The following SIRPD variants were observed in gnomAD, a reference collection of about 807,000 sequenced individuals.
SIRPD encodes the protein signal-regulatory protein delta.
A neutral mutation model predicts 18.0 loss-of-function variants in SIRPD; 21 were observed. That is an observed-to-expected ratio of 1.17 (90% CI 0.83 to 1.68). The LOEUF (loss-of-function observed/expected upper bound fraction) is 1.68, where lower values mean the gene tolerates loss of function less well. Among genes scored for constraint, SIRPD ranks in the 40% most tolerant of loss-of-function variants. SIRPD has a pLI of 0.00. For synonymous variants in SIRPD, 106 were observed against 92.9 expected (o/e 1.14, Z -0.81); for missense variants, 295 against 238.4 (o/e 1.24, Z -1.56).
chr20:1,539,916 G>T (rs1309079757), intron 2 of SIRPD, among the ~76,000 whole-genome samples: 1 of 152,070 alleles, frequency 6.6e-6, no homozygotes, highest in East Asian at 1.9e-4. Context: ...TTGCATTATT[G>T]GCAGACACCT....
At chr20:1,556,944 A>C (rs1393097504) in intron 1 of SIRPD, among the ~76,000 whole-genome samples, 3 of 152,244 alleles carry the variant, frequency 2.0e-5, no homozygotes, top group African/African-American at 7.2e-5. Context: ...ACTGAATTTC[A>C]CAGAAAGAAG....
chr20:1,551,651 T>C (rs755171512), intron 2 of SIRPD, 40 bp downstream of exon 2: 18 of 1,461,824 alleles, frequency 1.2e-5, no homozygotes, highest in Non-Finnish European at 1.6e-5. Flanking sequence ...TGAGATGATA[T>C]TATACACCAG....
chr20:1,551,206 C>T (rs955021214), intron 2 of SIRPD, among the ~76,000 whole-genome samples: 4 of 152,202 alleles, frequency 2.6e-5, no homozygotes, highest in Non-Finnish European at 4.4e-5. Context: ...TATCTGCATT[C>T]ATCTAGACTT....
At chr20:1,535,244 T>C (rs1254032262) in intron 3 of SIRPD, among the ~76,000 whole-genome samples, 2 of 152,224 alleles carry the variant, frequency 1.3e-5, no homozygotes, top group African/African-American at 2.4e-5. Context: ...AAAAGTTCGA[T>C]GTATCTAGAA....
chr20:1,544,611 A>G (rs540888719), intron 2 of SIRPD, among the ~76,000 whole-genome samples: 4 of 152,198 alleles, frequency 2.6e-5, no homozygotes, highest in Non-Finnish European at 5.9e-5. Flanking sequence ...CATTTAGCCC[A>G]TTTACATTTA....
intron 1 of SIRPD, among the ~76,000 whole-genome samples, chr20:1,554,856 G>A (rs1468772912): frequency 6.6e-6 from 1 of 152,056 alleles, no homozygotes; most frequent in African/African-American, 2.4e-5. Flanking sequence ...TGGAGTGTAG[G>A]ATTATCTTAG....
At position 1,538,476 on chromosome 20, in the gene SIRPD, C is replaced by T. The variant is rs76612968; in HGVS notation, c.422-1166G>A. ...CTGACTGCAACAAGGTCCCTCTTCA[C>T]TCATGCTCTTCGACACTCTTCCCAT... On this transcript the variant is annotated intron_variant, in intron 2 of 3. Coordinates refer to ENST00000381623, the MANE Select transcript of SIRPD (RefSeq NM_178460.3). 5.9e-5 allele frequency among the ~76,000 whole-genome samples: 9 copies of T among 152,282 alleles called. No homozygotes were observed. In the East Asian group the frequency reaches 1.7e-3, roughly 29 times the overall value.
intron 2 of SIRPD, among the ~76,000 whole-genome samples, chr20:1,543,168 C>T (rs1234111976): frequency 6.6e-6 from 1 of 152,014 alleles, no homozygotes; most frequent in African/African-American, 2.4e-5. Context: ...GGGAGGAGTC[C>T]CTCTTTTTCT....
At chr20:1,544,264 T>TAAGA (rs1473570849) in intron 2 of SIRPD, among the ~76,000 whole-genome samples, 1 of 152,206 alleles carries the variant, frequency 6.6e-6, no homozygotes. Flanking sequence ...TGTAGGTCTC[T>TAAGA]AAGAACTTGC....
intron 2 of SIRPD, among the ~76,000 whole-genome samples, chr20:1,543,005 T>A (rs2090978972): frequency 6.6e-6 from 1 of 152,244 alleles, no homozygotes; most frequent in Admixed American, 6.5e-5. Flanking sequence ...GGATAAGATT[T>A]TTAATGTGCT....
chr20:1,539,408 T>C (rs1013787168), intron 2 of SIRPD, among the ~76,000 whole-genome samples: 2 of 152,244 alleles, frequency 1.3e-5, no homozygotes, highest in African/African-American at 4.8e-5. Flanking sequence ...ATGATTAATT[T>C]TAGTTAATAT....
At position 1,542,524 on chromosome 20, in the gene SIRPD, T is replaced by A. The variant is rs781213774; in HGVS notation, c.422-5214A>T. On this transcript the variant is annotated intron_variant, in intron 2 of 3. Transcript: ENST00000381623. ...ACTTTGTCGAATTTGCTTATTAGCT[T>A]AAGGAGTTTTGGGGCTGAGATGATG... 2.6e-5 allele frequency among the ~76,000 whole-genome samples: 4 copies of A among 152,228 alleles called. 1 individual carries two copies. The highest frequency in any genetic ancestry group is 4.1e-4 in the South Asian group (2 of 4,832).
At chr20:1,552,420 T>A (rs569001460) in intron 1 of SIRPD, among the ~76,000 whole-genome samples, 1 of 152,238 alleles carries the variant, frequency 6.6e-6, no homozygotes, top group East Asian at 1.9e-4. Flanking sequence ...CAACCCTACA[T>A]CTCCACTGAG....
chr20:1,538,566 T>A (rs1027812659), intron 2 of SIRPD, among the ~76,000 whole-genome samples: 3 of 152,198 alleles, frequency 2.0e-5, no homozygotes, highest in African/African-American at 4.8e-5. Context: ...ACAGAAGGGA[T>A]GTGATGTGAC....
intron 2 of SIRPD, among the ~76,000 whole-genome samples, chr20:1,543,810 TTG>T (rs1286057891): frequency 2.6e-5 from 4 of 152,200 alleles, no homozygotes; most frequent in African/African-American, 9.7e-5. Context: ...ATTCTGTAAA[TTG>T]TGTCTTTGTT....
At chr20:1,541,580 C>T (rs1414757764) in intron 2 of SIRPD, among the ~76,000 whole-genome samples, 1 of 152,128 alleles carries the variant, frequency 6.6e-6, no homozygotes, top group African/African-American at 2.4e-5. Flanking sequence ...TTCTCCCATT[C>T]TGTAGCTTGC....
chr20:1,540,536 C>T (rs2090966604), intron 2 of SIRPD, among the ~76,000 whole-genome samples: 2 of 152,276 alleles, frequency 1.3e-5, no homozygotes, highest in South Asian at 4.1e-4. Flanking sequence ...CCCTATCTTT[C>T]CACCATCCCC....
chr20:1,540,454 A>G (rs2090966176), intron 2 of SIRPD: 1 of 351,602 alleles, frequency 2.8e-6, no homozygotes, highest in East Asian at 8.8e-5. Flanking sequence ...TGCAATCATA[A>G]CCACAGTCAT....
At chr20:1,557,395 C>T (rs935695995) in intron 1 of SIRPD, among the ~76,000 whole-genome samples, 186 bp downstream of exon 1, 1 of 152,142 alleles carries the variant, frequency 6.6e-6, no homozygotes, top group Non-Finnish European at 1.5e-5. Context: ...TTGCAACAGA[C>T]ATGGCCACCG....
Sources: allele counts gnomAD v4.1 joint callset (sites outside exome capture counted in the v4.1 genomes callset), GRCh38; gene constraint gnomAD v4.1.1; transcripts MANE v1.5; gene names NCBI Gene and HGNC (gene_info 2026-07-23, HGNC 2026-07-21).